The following ARPC1A variants were observed in gnomAD, a reference collection of about 807,000 sequenced individuals.
ARPC1A encodes actin-related protein 2/3 complex subunit 1A.
ARPC1A carries 8 observed loss-of-function variants against 46.9 expected under a neutral mutation model. The ratio of observed to expected loss-of-function variants is 0.17; its 90% CI spans 0.10 to 0.31. ARPC1A has a LOEUF of 0.31. ARPC1A is among the 10% of genes least tolerant of loss of function. The pLI, the probability that ARPC1A is intolerant of heterozygous loss-of-function variation, is 1.00. For synonymous variants in ARPC1A, 152 were observed against 169.0 expected, an observed-to-expected ratio of 0.90 and a Z score of 0.78; for missense variants, 286 against 483.6, an observed-to-expected ratio of 0.59 and a Z score of 3.83.
chr7:99,358,103 G>A (rs536346895), intron 6 of ARPC1A, among the ~76,000 whole-genome samples: 18 of 152,296 alleles, frequency 1.2e-4, no homozygotes, highest in South Asian at 4.1e-4. Flanking sequence ...GCAAAGACTG[G>A]GCTTTGGGAA....
At chr7:99,339,907 C>G (rs1380633448) in intron 3 of ARPC1A, 1 of 441,758 alleles carries the variant, frequency 2.3e-6, no homozygotes, top group Non-Finnish European at 4.7e-6. Flanking sequence ...AGATTGCCAT[C>G]ATTCCCACCT....
At chr7:99,333,785 A>G (rs1388344351) in intron 2 of ARPC1A, among the ~76,000 whole-genome samples, 1 of 152,144 alleles carries the variant, frequency 6.6e-6, no homozygotes, top group African/African-American at 2.4e-5. Flanking sequence ...CAAACTAGAA[A>G]GGGATGGAGA....
intron 2 of ARPC1A, among the ~76,000 whole-genome samples, chr7:99,337,315 G>A (rs542232566): frequency 1.1e-4 from 17 of 152,284 alleles, no homozygotes; most frequent in East Asian, 9.6e-4. Context: ...CAGCTACTTC[G>A]GAGGCTAAGG....
rs145223474 is a variant in ARPC1A at position 99,354,007 on chromosome 7, G to T, written c.599G>T (p.Gly200Val). ...GGGCAGCTGATGTCAGAGTTTGGTG[G>T]CAGTGGCACTGGTGGCTGGGTCCAC... ...PFGQLMSEFGGSGTGGWVHGV... is the reference protein window; with the variant it reads ...PFGQLMSEFGVSGTGGWVHGV... The change falls in exon 6 of 10, where the codon GGC (glycine) becomes GTC (valine). Residue 200 changes from glycine (G) to valine (V), a missense_variant. Transcript: ENST00000262942. 1.0e-4 allele frequency: 166 copies of T among 1,614,026 alleles called. No homozygotes were observed. The highest frequency in any genetic ancestry group is 7.1e-4 in the African/African-American group (53 of 75,042).
At chr7:99,358,254 G>T in intron 6 of ARPC1A, 86 bp from the exon 7 acceptor site, 1 of 1,369,144 alleles carries the variant, frequency 7.3e-7, no homozygotes, top group South Asian at 1.2e-5. Flanking sequence ...AAGCCCCTGT[G>T]AGAATGGGTC....
chr7:99,345,877 C>A lies in ARPC1A; in HGVS notation c.392+1362C>A, dbSNP rs551815230. ...TTACCTTTGTAATTTAGTAAAACTT[C>A]AGAAATTTTATTCTTCAAAAAGAGA... On this transcript the variant is annotated intron_variant, in intron 4 of 9. Transcript: ENST00000262942. Among the ~76,000 whole-genome samples, 6 of 152,150 alleles carry A rather than the reference C, an allele frequency of 3.9e-5. No homozygotes were observed. In the South Asian group the frequency reaches 8.3e-4, roughly 21 times the overall value.
At chr7:99,344,915 A>AT (rs1312941959) in intron 4 of ARPC1A, among the ~76,000 whole-genome samples, 4 of 109,338 alleles carry the variant, frequency 3.7e-5, no homozygotes, top group African/African-American at 4.8e-5. Context: ...ACAGATAACA[A>AT]TGTTCTTTTT....
chr7:99,333,364 A>G lies in ARPC1A; in HGVS notation c.11A>G (p.His4Arg). Residue 4 changes from histidine (H) to arginine (R), a missense_variant, in exon 2 of 10, where the codon CAT (histidine) becomes CGT (arginine). His to Arg is a conservative substitution (Grantham distance 29, BLOSUM62 0). Transcript: ENST00000262942. MSL[H>R]QFLLEPITCH... ...AAAACACTAAGAATAATGTCACTGCATCAGTTTTTACTAGAGCCAATCACC... is the reference window on the plus strand; with the variant it reads ...AAAACACTAAGAATAATGTCACTGCGTCAGTTTTTACTAGAGCCAATCACC... 1.9e-6 allele frequency: 3 copies of G among 1,613,536 alleles called. No individual in the cohort carries two copies. The highest frequency in any genetic ancestry group is 2.5e-6 in the Non-Finnish European group (3 of 1,179,584).
intron 1 of ARPC1A, among the ~76,000 whole-genome samples, chr7:99,328,973 A>G (rs922680389): frequency 2.0e-5 from 3 of 151,374 alleles, no homozygotes; most frequent in Non-Finnish European, 4.4e-5. Flanking sequence ...AGAGAGAGAG[A>G]AAAGGGATGA....
chr7:99,333,698 AG>A (rs1793187690), intron 2 of ARPC1A, among the ~76,000 whole-genome samples: 1 of 152,162 alleles, frequency 6.6e-6, no homozygotes, highest in Non-Finnish European at 1.5e-5. Flanking sequence ...TTTGCTCCTG[AG>A]CTACTCAGAG....
intron 5 of ARPC1A, among the ~76,000 whole-genome samples, chr7:99,352,969 AAATATATATATAT>A (rs1793568774): frequency 7.0e-6 from 1 of 143,762 alleles, no homozygotes; most frequent in East Asian, 2.1e-4. Context: ...TGTCCCCCAA[AAATATATATATAT>A]ATACTAGAAT....
intron 2 of ARPC1A, among the ~76,000 whole-genome samples, chr7:99,336,998 G>T (rs1584376335): frequency 6.6e-6 from 1 of 151,850 alleles, no homozygotes; most frequent in Admixed American, 6.6e-5. Flanking sequence ...AAAAACAGAT[G>T]AACTAGATGG....
chr7:99,358,790 T>C, intron 7 of ARPC1A: 1 of 180,930 alleles, frequency 5.5e-6, no homozygotes, highest in Non-Finnish European at 1.2e-5. Flanking sequence ...TCCACCCACC[T>C]TGGCCTCCCA....
intron 5 of ARPC1A, among the ~76,000 whole-genome samples, chr7:99,352,719 C>T (rs1301689116): frequency 6.6e-6 from 1 of 151,658 alleles, no homozygotes; most frequent in Non-Finnish European, 1.5e-5. Context: ...AATCCCAGCA[C>T]TTTGGGAGGC....
At chr7:99,330,172 T>C (rs1399412028) in intron 1 of ARPC1A, among the ~76,000 whole-genome samples, 1 of 152,228 alleles carries the variant, frequency 6.6e-6, no homozygotes, top group Non-Finnish European at 1.5e-5. Flanking sequence ...TTCTCGACTG[T>C]ATAAAAGAAA....
chr7:99,359,812 C>G (rs966342892), intron 8 of ARPC1A, 74 bp downstream of exon 8: 11 of 1,525,946 alleles, frequency 7.2e-6, no homozygotes, highest in African/African-American at 2.7e-5. Context: ...TTACTGGGTT[C>G]CTACAAAAGC....
chr7:99,366,045 A>G lies in ARPC1A; in HGVS notation c.*116A>G, dbSNP rs1418737159. 1.1e-5 allele frequency: 13 copies of G among 1,233,242 alleles called. No homozygotes were observed. Among genetic ancestry groups the G allele is most frequent in the Non-Finnish European group, 1.5e-5 (13 of 883,108 alleles). The allele number at this position is 1,233,242 out of a possible 1,614,324, so 76.4% of individuals were successfully genotyped here. A position where few individuals can be genotyped will look rare whatever the true frequency, so the allele number is the denominator to read the frequency against. ...AACACTGAAAACACATATCACGCCA[A>G]TGCCGTGTGGTTTTGTTTGAATATA... On this transcript the variant is annotated 3_prime_UTR_variant, in exon 10 of 10. Coordinates refer to ENST00000262942, the MANE Select transcript of ARPC1A (RefSeq NM_006409.4).
Position 99,333,377 on chromosome 7 carries a change from A to G in ARPC1A, c.24A>G (p.Leu8=). The part of the protein sequence containing the change: MSLHQFL[L]EPITCHAWNR... ...TAATGTCACTGCATCAGTTTTTACT[A>G]GAGCCAATCACCTGTCATGCCTGGA... The change falls in exon 2 of 10, where the codon CTA becomes CTG. Residue 8 remains leucine (L), a synonymous_variant. Coordinates refer to ENST00000262942, the MANE Select transcript of ARPC1A (RefSeq NM_006409.4). The G allele has an allele frequency of 6.2e-7, 1 of 1,613,828 alleles. No individual in the cohort carries two copies.
At chr7:99,362,336 C>CTT (rs771655890) in intron 8 of ARPC1A, among the ~76,000 whole-genome samples, 16 of 129,610 alleles carry the variant, frequency 1.2e-4, no homozygotes, top group Admixed American at 2.3e-4. Flanking sequence ...CCCCGCCCCC[C>CTT]TTTTTTTTTT....
Sources: gnomAD v4.1 joint callset for allele counts (sites outside exome capture counted in the v4.1 genomes callset) on GRCh38, gnomAD v4.1.1 for gene constraint, MANE v1.5 for transcripts, NCBI Gene and HGNC (gene_info 2026-07-23, HGNC 2026-07-21) for gene names.